DLG2: variants seen among roughly 807,000 people sequenced by gnomAD.
DLG2 encodes disks large homolog 2.
In DLG2, 45 loss-of-function variants were observed where a neutral mutation model predicts 132.5. That is an observed-to-expected ratio of 0.34 (90% CI 0.27 to 0.44). The LOEUF (loss-of-function observed/expected upper bound fraction) is 0.44. DLG2 is among the 20% of genes least tolerant of loss of function. The pLI, the probability that DLG2 is intolerant of heterozygous loss-of-function variation, is 1.00. For missense variants in DLG2, 1,045 were observed against 1,196.9 expected (o/e 0.87, Z 1.87); for synonymous variants, 424 against 419.6 (o/e 1.01, Z -0.13).
chr11:85,174,577 A>G (rs1364968174), intron 4 of DLG2, among the ~76,000 whole-genome samples: 2 of 152,154 alleles, frequency 1.3e-5, no homozygotes. Context: ...AGAGAAAATG[A>G]ACCCCAAAGT....
At position 83,814,249 on chromosome 11, in the gene DLG2, C is replaced by T. The variant is rs534794276; in HGVS notation, c.1722+19365G>A. The stretch of plus-strand genomic sequence containing the variant: ...TCAAAAACACCTTCTTTGATGCAAT[C>T]GCTTAGGAATTGTAAAAAATAAGTA... On this transcript the variant is annotated intron_variant, in intron 17 of 27. Coordinates refer to ENST00000376104, the MANE Select transcript of DLG2 (RefSeq NM_001142699.3). 5.3e-5 allele frequency among the ~76,000 whole-genome samples: 8 copies of T among 152,174 alleles called. No homozygotes were observed. The South Asian group carries it at 1.2e-3, about 24-fold the overall frequency.
intron 7 of DLG2, among the ~76,000 whole-genome samples, chr11:84,388,492 A>AATTGGGTAG (rs2098780182): frequency 6.6e-6 from 1 of 152,148 alleles, no homozygotes; most frequent in Admixed American, 6.6e-5. Flanking sequence ...TGTTTTCTGG[A>AATTGGGTAG]ATTGGGTAGT....
chr11:83,905,653 A>C (rs551524861), intron 15 of DLG2, among the ~76,000 whole-genome samples: 8 of 152,192 alleles, frequency 5.3e-5, no homozygotes, highest in Non-Finnish European at 1.0e-4. Context: ...TTTATGGACC[A>C]CTTATTGAGA....
chr11:84,598,317 A>C (rs1268093796), intron 6 of DLG2, among the ~76,000 whole-genome samples: 12 of 152,296 alleles, frequency 7.9e-5, no homozygotes, highest in African/African-American at 2.9e-4. Flanking sequence ...CAAATTATAA[A>C]TTTGGGCAAC....
At chr11:85,556,639 A>G (rs2076956058) in intron 3 of DLG2, among the ~76,000 whole-genome samples, 1 of 151,904 alleles carries the variant, frequency 6.6e-6, no homozygotes, top group African/African-American at 2.4e-5. Context: ...TCATTTTCCT[A>G]AAATCCAAAA....
intron 18 of DLG2, among the ~76,000 whole-genome samples, chr11:83,683,545 T>C (rs1010847111): frequency 1.3e-5 from 2 of 152,182 alleles, no homozygotes; most frequent in African/African-American, 2.4e-5. Flanking sequence ...AGTTTTGAAA[T>C]TCAACAGAAT....
chr11:84,160,374 G>A (rs962416415), intron 9 of DLG2, among the ~76,000 whole-genome samples: 3 of 152,134 alleles, frequency 2.0e-5, no homozygotes, highest in Non-Finnish European at 4.4e-5. Context: ...ATCAAATCCT[G>A]CTAAGAAGTC....
chr11:83,784,109 C>T (rs1361681500), intron 18 of DLG2, among the ~76,000 whole-genome samples: 1 of 152,104 alleles, frequency 6.6e-6, no homozygotes, highest in Non-Finnish European at 1.5e-5. Context: ...TAATTCTTGA[C>T]CATACTAAAA....
At chr11:84,848,081 C>A (rs1049963488) in intron 6 of DLG2, among the ~76,000 whole-genome samples, 7 of 152,044 alleles carry the variant, frequency 4.6e-5, no homozygotes, top group Non-Finnish European at 2.9e-5. Flanking sequence ...CAGAGAACAG[C>A]GAAAAGAACT....
At chr11:84,919,309 A>G (rs1183268255) in intron 6 of DLG2, among the ~76,000 whole-genome samples, 5 of 152,182 alleles carry the variant, frequency 3.3e-5, no homozygotes, top group Non-Finnish European at 2.9e-5. Context: ...AGAAAAAACT[A>G]AACTTTCTTA....
intron 6 of DLG2, among the ~76,000 whole-genome samples, chr11:84,713,512 TGCA>T (rs976539617): frequency 3.5e-4 from 53 of 152,140 alleles, no homozygotes; most frequent in Admixed American, 4.6e-4. Flanking sequence ...TTGGATTTTT[TGCA>T]TATTAGGTAT....
intron 6 of DLG2, among the ~76,000 whole-genome samples, chr11:84,906,810 A>G (rs1172578265): frequency 1.3e-5 from 2 of 152,194 alleles, no homozygotes; most frequent in Non-Finnish European, 2.9e-5. Context: ...AGCTGCATAG[A>G]AAGAGAGAAA....
intron 14 of DLG2, among the ~76,000 whole-genome samples, chr11:83,953,737 A>G (rs1018111152): frequency 1.3e-5 from 2 of 152,212 alleles, no homozygotes; most frequent in East Asian, 1.9e-4. Flanking sequence ...AGAACAGACC[A>G]TGTCTATTTT....
intron 6 of DLG2, among the ~76,000 whole-genome samples, chr11:84,797,755 T>C (rs2074839848): frequency 6.6e-6 from 1 of 152,142 alleles, no homozygotes; most frequent in Non-Finnish European, 1.5e-5. Flanking sequence ...TCCTGGAGGT[T>C]TTGATGTTTA....
At chr11:83,552,717 G>C (rs2096421399) in intron 19 of DLG2, among the ~76,000 whole-genome samples, 1 of 152,196 alleles carries the variant, frequency 6.6e-6, no homozygotes, top group Non-Finnish European at 1.5e-5. Context: ...ACATGCACAT[G>C]AGCTGGACCA....
intron 6 of DLG2, among the ~76,000 whole-genome samples, chr11:84,687,828 A>G (rs1274348010): frequency 1.3e-5 from 2 of 152,350 alleles, no homozygotes; most frequent in Admixed American, 6.5e-5. Flanking sequence ...CTAGTTATTG[A>G]GTGAAACAAA....
At chr11:84,317,198 C>T (rs1276825100) in intron 7 of DLG2, 1 of 1,550,010 alleles carries the variant, frequency 6.5e-7, no homozygotes, top group African/African-American at 1.4e-5. Context: ...GAAATGTCTC[C>T]TCCCTCACAC....
At chr11:85,606,236 T>C (rs891586419) in intron 2 of DLG2, among the ~76,000 whole-genome samples, 1 of 152,216 alleles carries the variant, frequency 6.6e-6, no homozygotes, top group Non-Finnish European at 1.5e-5. Flanking sequence ...CAAAATTGAA[T>C]GATCACAATT....
chr11:84,509,106 A>G (rs1179563369), intron 7 of DLG2, among the ~76,000 whole-genome samples: 1 of 152,274 alleles, frequency 6.6e-6, no homozygotes, highest in African/African-American at 2.4e-5. Flanking sequence ...GTGCTAATAT[A>G]TATGAACTAA....
Sources: allele counts gnomAD v4.1 joint callset (sites outside exome capture counted in the v4.1 genomes callset), GRCh38; gene constraint gnomAD v4.1.1; transcripts MANE v1.5; gene names NCBI Gene and HGNC (gene_info 2026-07-23, HGNC 2026-07-21).